Variants in CFAP298 observed in about 807,000 individuals in gnomAD.
CFAP298 encodes cilia- and flagella-associated protein 298.
Under a neutral mutation model 41.0 loss-of-function variants are expected in CFAP298, and 38 were observed. The ratio of observed to expected loss-of-function variants is 0.93; its 90% CI spans 0.72 to 1.22. The LOEUF is 1.22. Ranked by LOEUF, CFAP298 falls within the 50% of genes most tolerant of loss-of-function variation. CFAP298 has a pLI of 0.00. For synonymous variants in CFAP298, 137 were observed against 135.3 expected (o/e 1.01, Z -0.09); for missense variants, 348 against 360.3 (o/e 0.97, Z 0.28).
At position 32,601,305 on chromosome 21, in the gene CFAP298, T is replaced by TC. The variant is rs1327102879; in HGVS notation, c.*557_*558insG. 2.1e-5 allele frequency among the ~76,000 whole-genome samples: 3 copies of TC among 146,196 alleles called. No homozygotes were observed. The highest frequency in any genetic ancestry group is 6.7e-5 in the Admixed American group (1 of 14,842). On this transcript the variant is annotated 3_prime_UTR_variant, in exon 7 of 7. Transcript: ENST00000290155. The stretch of plus-strand genomic sequence containing the variant: ...AAGTGTAGCTTTTTTTTTTTTTTTT[T>TC]TTTTTTTTGAGACAAGAGTTTCGCT...
chr21:32,606,960 T>C (rs971848451), intron 3 of CFAP298, among the ~76,000 whole-genome samples: 4 of 152,218 alleles, frequency 2.6e-5, no homozygotes, highest in African/African-American at 9.7e-5. Flanking sequence ...TTATATCAAA[T>C]ACATATTAAG....
At chr21:32,606,748 G>A (rs1269392763) in intron 3 of CFAP298, among the ~76,000 whole-genome samples, 1 of 152,230 alleles carries the variant, frequency 6.6e-6, no homozygotes, top group Non-Finnish European at 1.5e-5. Flanking sequence ...GATCAGTCAA[G>A]AGACTTGCAG....
At position 32,601,816 on chromosome 21, in the gene CFAP298, G is replaced by C; in HGVS notation, c.*47C>G. On this transcript the variant is annotated 3_prime_UTR_variant, in exon 7 of 7. Coordinates refer to ENST00000290155, the MANE Select transcript of CFAP298 (RefSeq NM_021254.4). ...TTTTTTTTAAATTATAATTGCCTAG[G>C]AGAAAGGTGAGCTAATCTCTTTGGA... 1.0e-6 allele frequency: 1 copy of C among 965,148 alleles called. No individual in the cohort carries two copies. Among genetic ancestry groups the C allele is most frequent in the Non-Finnish European group, 1.7e-6 (1 of 602,336 alleles). 59.8% of individuals were successfully genotyped at this position (965,148 alleles called of 1,614,324 possible). A position where few individuals can be genotyped will look rare whatever the true frequency, so the allele number is the denominator to read the frequency against.
chr21:32,600,003 T>C lies in CFAP298; in HGVS notation c.*1860A>G, dbSNP rs1271661638. Among the ~76,000 whole-genome samples, 1 of 152,226 alleles carries C rather than the reference T, an allele frequency of 6.6e-6. No individual in the cohort carries two copies. ...ATTCCTACTGCAGGCTCAGTAAGACTTTCTAATGATATTGAAGTAGTAGTT... is the reference window on the plus strand; with the variant it reads ...ATTCCTACTGCAGGCTCAGTAAGACCTTCTAATGATATTGAAGTAGTAGTT... On this transcript the variant is annotated 3_prime_UTR_variant, in exon 7 of 7. Coordinates refer to ENST00000290155, the MANE Select transcript of CFAP298 (RefSeq NM_021254.4).
At chr21:32,607,031 TTTG>T (rs555385586) in intron 3 of CFAP298, among the ~76,000 whole-genome samples, 23 of 152,354 alleles carry the variant, frequency 1.5e-4, no homozygotes, top group African/African-American at 5.3e-4. Flanking sequence ...CCTACTTAAC[TTTG>T]TTAAGTTCTT....
Position 32,601,951 on chromosome 21 carries a change from T to A in CFAP298, c.785A>T (p.Asp262Val). 4 of 1,604,684 alleles carry A rather than the reference T, an allele frequency of 2.5e-6. No individual in the cohort carries two copies. Among genetic ancestry groups the A allele is most frequent in the Non-Finnish European group, 3.4e-6 (4 of 1,171,570 alleles). ...ELKRLEENDD[D>V]AYLNSPWADN... ...CGCCCATGGTGAGTTTAAATAGGCA[T>A]CATCATCATTTTCTTCCAATCTCTG... The change falls in exon 7 of 7, where the codon GAT becomes GTT. Residue 262 changes from aspartate (D) to valine (V), a missense_variant. Transcript: ENST00000290155.
At chr21:32,603,580 C>T (rs2038801978) in intron 4 of CFAP298, among the ~76,000 whole-genome samples, 2 of 152,172 alleles carry the variant, frequency 1.3e-5, no homozygotes, top group African/African-American at 4.8e-5. Context: ...TAGGCCACTG[C>T]CAGGGAAGGG....
chr21:32,608,368 G>A (rs1460007078), intron 2 of CFAP298, among the ~76,000 whole-genome samples: 1 of 152,036 alleles, frequency 6.6e-6, no homozygotes, highest in Non-Finnish European at 1.5e-5. Context: ...TATAATAGAA[G>A]TGGTTAGGCT....
chr21:32,611,061 T>C (rs1386470824), intron 1 of CFAP298, among the ~76,000 whole-genome samples: 4 of 151,800 alleles, frequency 2.6e-5, no homozygotes, highest in African/African-American at 9.7e-5. Context: ...CCTAGCACTT[T>C]GGGAGGCGGA....
intron 3 of CFAP298, chr21:32,604,504 A>G (rs2038824179): frequency 3.7e-6 from 2 of 542,022 alleles, no homozygotes; most frequent in African/African-American, 3.8e-5. Context: ...CATGGAGTAC[A>G]ATGAAGTGCA....
chr21:32,604,906 T>C (rs960851113), intron 3 of CFAP298, among the ~76,000 whole-genome samples: 3 of 152,168 alleles, frequency 2.0e-5, no homozygotes, highest in Non-Finnish European at 4.4e-5. Context: ...CCAGATGTGG[T>C]GGCTCACACC....
In CFAP298 at chr21:32,607,100, G is replaced by A. The variant is rs902909000; in HGVS notation, c.375+549C>T. ...TGTATTATACATATTTGTATTATAC[G>A]TGAACCTATATTTACATAAGCCAAC... is the stretch of plus-strand genomic sequence containing the variant. On this transcript the variant is annotated intron_variant, in intron 3 of 6. Transcript: ENST00000290155. 2.8e-4 allele frequency among the ~76,000 whole-genome samples: 42 copies of A among 152,240 alleles called. 1 individual carries two copies. The highest frequency in any genetic ancestry group is 2.2e-4 in the Non-Finnish European group (15 of 68,026).
At chr21:32,605,802 A>G (rs527289939) in intron 3 of CFAP298, among the ~76,000 whole-genome samples, 3 of 152,340 alleles carry the variant, frequency 2.0e-5, no homozygotes, top group South Asian at 2.1e-4. Flanking sequence ...CCAGGCAGTT[A>G]GTGTCAGAAT....
At chr21:32,607,596 A>C in intron 3 of CFAP298, 53 bp downstream of exon 3, 1 of 675,982 alleles carries the variant, frequency 1.5e-6, no homozygotes. Context: ...TCCATCTCCA[A>C]AAAAAAAAAA....
Position 32,612,086 on chromosome 21 carries a change from G to C in CFAP298, c.139+19C>G. The C allele has an allele frequency of 6.5e-7, 1 of 1,541,962 alleles. No individual in the cohort carries two copies. The highest frequency in any genetic ancestry group is 8.7e-7 in the Non-Finnish European group (1 of 1,144,134). On this transcript the variant is annotated intron_variant, in intron 1 of 6. Coordinates refer to ENST00000290155, the MANE Select transcript of CFAP298 (RefSeq NM_021254.4). ...CGGTCTCTCGATCTGTCCGGGATGG[G>C]CCCACCCGCGAGCCGCACCTGAGCA...
intron 3 of CFAP298, among the ~76,000 whole-genome samples, chr21:32,605,086 G>C (rs2038838962): frequency 6.6e-6 from 1 of 152,128 alleles, no homozygotes; most frequent in Non-Finnish European, 1.5e-5. Flanking sequence ...GGCTGAGGCA[G>C]GACAATTGCT....
At chr21:32,608,733 T>A (rs1404754641) in intron 2 of CFAP298, among the ~76,000 whole-genome samples, 1 of 151,764 alleles carries the variant, frequency 6.6e-6, no homozygotes, top group African/African-American at 2.4e-5. Flanking sequence ...AATAATGAAC[T>A]GTTAACTGGT....
intron 2 of CFAP298, among the ~76,000 whole-genome samples, chr21:32,608,656 C>CA (rs57270252): frequency 0.039 from 2,056 of 52,470 alleles, 24 homozygotes; most frequent in Non-Finnish European, 0.046. Context: ...GACTCTGTCT[C>CA]AAAAAAAAAA....
intron 2 of CFAP298, 147 bp downstream of exon 2, chr21:32,609,691 G>A (rs2038945133): frequency 3.0e-6 from 2 of 658,330 alleles, no homozygotes; most frequent in East Asian, 2.8e-5. Context: ...CTTGAACCTG[G>A]AAGACAGAGG....
Sources: allele counts gnomAD v4.1 joint callset (sites outside exome capture counted in the v4.1 genomes callset), GRCh38; gene constraint gnomAD v4.1.1; transcripts MANE v1.5; gene names NCBI Gene and HGNC (gene_info 2026-07-23, HGNC 2026-07-21).